ABAT: variants seen among roughly 807,000 people sequenced by gnomAD.
ABAT encodes 4-aminobutyrate aminotransferase.
A neutral mutation model predicts 64.6 loss-of-function variants in ABAT; 45 were observed. That is an observed-to-expected ratio of 0.70 (90% CI 0.55 to 0.89). The LOEUF (loss-of-function observed/expected upper bound fraction) is 0.89, where lower values mean the gene tolerates loss of function less well. ABAT is among the 40% of genes least tolerant of loss of function. The pLI, the probability that ABAT is intolerant of heterozygous loss-of-function variation, is 0.00. For missense variants in ABAT, 633 were observed against 658.4 expected (o/e 0.96, Z 0.42); for synonymous variants, 297 against 250.5 (o/e 1.19, Z -1.75).
At chr16:8,683,964 CAGAG>C (rs35163930) in intron 1 of ABAT, among the ~76,000 whole-genome samples, 71 of 150,070 alleles carry the variant, frequency 4.7e-4, no homozygotes, top group Admixed American at 2.0e-3. Flanking sequence ...GTGAGAGAGA[CAGAG>C]AGAGAGAGAG....
At chr16:8,738,639 GGTGT>G (rs771101618) in intron 2 of ABAT, among the ~76,000 whole-genome samples, 28 of 99,258 alleles carry the variant, frequency 2.8e-4, no homozygotes, top group Non-Finnish European at 3.7e-4. Flanking sequence ...TTTTTTTTTT[GGTGT>G]GTGTGTATGT....
rs1244041100 is a variant in ABAT, at chr16:8,757,827, G to A, written c.366+21G>A. 13 of 1,612,248 alleles carry A rather than the reference G, an allele frequency of 8.1e-6. No individual in the cohort carries two copies. The Admixed American group carries it at 2.2e-4, about 27-fold the overall frequency. ...ATGCGGTAGGTCTTGGGGTTACACA[G>A]AAGAAAGACAAAATATGTTCATGGC... On this transcript the variant is annotated intron_variant, in intron 6 of 15. Transcript: ENST00000268251.
intron 11 of ABAT, 128 bp downstream of exon 11, chr16:8,769,101 A>G: frequency 2.3e-6 from 3 of 1,310,568 alleles, no homozygotes; most frequent in Non-Finnish European, 3.2e-6. Flanking sequence ...CCCCAGAGGG[A>G]AGCAGGGACA....
intron 6 of ABAT, among the ~76,000 whole-genome samples, chr16:8,759,005 G>A (rs1463866270): frequency 1.3e-5 from 2 of 152,122 alleles, no homozygotes; most frequent in African/African-American, 4.8e-5. Flanking sequence ...GGGAGGCTGA[G>A]GCAGGAGAAT....
chr16:8,719,573 G>A (rs2058306797), intron 1 of ABAT, among the ~76,000 whole-genome samples: 1 of 152,176 alleles, frequency 6.6e-6, no homozygotes, highest in African/African-American at 2.4e-5. Flanking sequence ...ATGAGGATGA[G>A]GCAGATCAGC....
At chr16:8,745,847 G>T (rs1488112960) in intron 2 of ABAT, among the ~76,000 whole-genome samples, 154 bp from the exon 3 acceptor site, 2 of 152,134 alleles carry the variant, frequency 1.3e-5, no homozygotes, top group African/African-American at 4.8e-5. Context: ...TGGCCCAGTT[G>T]GTCTGTCCAG....
Position 8,764,058 on chromosome 16 carries a change from C to A in ABAT, c.367-11C>A, listed in dbSNP as rs368243612. 1.9e-6 allele frequency: 3 copies of A among 1,613,342 alleles called. No individual in the cohort carries two copies. Among genetic ancestry groups the A allele is most frequent in the South Asian group, 1.1e-5 (1 of 91,078 alleles). ...CCCAGAAGTCACCATTTGTCTCTTG[C>A]CCTTTTGCAGAGCATGTTTGTCAAC... On this transcript the variant is annotated splice_polypyrimidine_tract_variant and intron_variant, in intron 6 of 15. Coordinates refer to ENST00000268251, the MANE Select transcript of ABAT (RefSeq NM_020686.6). The surrounding 1 kb of genome is among the most constrained non-coding windows in gnomAD (Gnocchi z 4.2).
At chr16:8,725,429 C>T (rs1320388534) in intron 1 of ABAT, among the ~76,000 whole-genome samples, 1 of 152,166 alleles carries the variant, frequency 6.6e-6, no homozygotes, top group Non-Finnish European at 1.5e-5. Flanking sequence ...TGTAGATTCA[C>T]CTACTCTTGA....
At chr16:8,719,044 C>T (rs74381016) in intron 1 of ABAT, among the ~76,000 whole-genome samples, 3,750 of 152,238 alleles carry the variant, frequency 0.025, 143 homozygotes, top group African/African-American at 0.086. Flanking sequence ...TTTCTCTGAA[C>T]GGGAAGTGCG....
Position 8,772,909 on chromosome 16 carries a change from G to A in ABAT, c.946G>A (p.Ala316Thr), listed in dbSNP as rs779820787. Residue 316 changes from alanine to threonine, a missense_variant, in exon 12 of 16, where the codon GCC becomes ACC. Transcript: ENST00000268251. ...DDFFRKLRDI[A>T]RKHGCAFLVD... The stretch of plus-strand genomic sequence containing the variant: ...CTTCTTTCGGAAGCTGAGAGACATC[G>A]CCAGGAAGGTCAGTGGACAGGGCCG... The A allele has an allele frequency of 1.5e-5, 25 of 1,613,582 alleles. No homozygotes were observed. The highest frequency in any genetic ancestry group is 9.9e-5 in the South Asian group (9 of 91,050).
intron 1 of ABAT, among the ~76,000 whole-genome samples, chr16:8,723,864 G>A (rs1173485277): frequency 4.1e-5 from 4 of 98,442 alleles, no homozygotes; most frequent in Non-Finnish European, 3.8e-5. Flanking sequence ...TTTTTGAGAC[G>A]GAGTCTTGCT....
chr16:8,748,185 T>C (rs2059385925), intron 4 of ABAT, 48 bp downstream of exon 4: 2 of 1,564,896 alleles, frequency 1.3e-6, no homozygotes, highest in Admixed American at 1.7e-5. Context: ...TTTATCACAA[T>C]TGAGCTAAAA....
At chr16:8,693,628 T>C (rs1405681152) in intron 1 of ABAT, among the ~76,000 whole-genome samples, 1 of 152,054 alleles carries the variant, frequency 6.6e-6, no homozygotes, top group Admixed American at 6.6e-5. Context: ...GCCATGATAC[T>C]GGGCTAATTT....
intron 1 of ABAT, among the ~76,000 whole-genome samples, chr16:8,682,510 C>A (rs534060369): frequency 1.3e-5 from 2 of 152,280 alleles, no homozygotes; most frequent in African/African-American, 4.8e-5. Flanking sequence ...CAGATTGATG[C>A]CCCTGCCCAC....
At position 8,770,983 on chromosome 16, in the gene ABAT, C is replaced by T. The variant is rs115128379; in HGVS notation, c.817-1797C>T. Among the ~76,000 whole-genome samples, 369 of 152,188 alleles carry T rather than the reference C, an allele frequency of 2.4e-3. 1 individual carries two copies. Among genetic ancestry groups the T allele is most frequent in the African/African-American group, 8.5e-3 (351 of 41,522 alleles). Reference sequence around the variant, plus strand: ...TTTGAAACACTGTGTGTATTTTACACTTACAGCACAATGCTCTAAAAACAA... The same window carrying T: ...TTTGAAACACTGTGTGTATTTTACATTTACAGCACAATGCTCTAAAAACAA... On this transcript the variant is annotated intron_variant, in intron 11 of 15. Coordinates refer to ENST00000268251, the MANE Select transcript of ABAT (RefSeq NM_020686.6).
chr16:8,729,902 C>T (rs937747947), intron 1 of ABAT, among the ~76,000 whole-genome samples: 2 of 151,182 alleles, frequency 1.3e-5, no homozygotes, highest in African/African-American at 4.9e-5. Flanking sequence ...GGACTCTGGC[C>T]CAGCCCTGTC....
intron 5 of ABAT, chr16:8,757,220 T>C: frequency 2.2e-6 from 1 of 450,078 alleles, no homozygotes; most frequent in South Asian, 1.6e-5. Context: ...CAGGCTGGAG[T>C]GCAGTGGCGT....
intron 1 of ABAT, among the ~76,000 whole-genome samples, chr16:8,700,772 A>T (rs533751925): frequency 3.4e-5 from 5 of 148,386 alleles, no homozygotes; most frequent in Non-Finnish European, 7.5e-5. Flanking sequence ...ATTTTAAAAC[A>T]TTTTTTTTTT....
intron 1 of ABAT, among the ~76,000 whole-genome samples, chr16:8,731,791 T>C (rs2058727332): frequency 6.6e-6 from 1 of 152,042 alleles, no homozygotes; most frequent in African/African-American, 2.4e-5. Context: ...CCAAACACAC[T>C]AAACAATGTC....
Sources: allele counts gnomAD v4.1 joint callset (sites outside exome capture counted in the v4.1 genomes callset), GRCh38; gene constraint gnomAD v4.1.1; non-coding constraint Gnocchi (gnomAD v3.1); transcripts MANE v1.5; gene names NCBI Gene and HGNC (gene_info 2026-07-23, HGNC 2026-07-21).